TTC39A: variants seen among roughly 807,000 people sequenced by gnomAD.
TTC39A encodes the protein tetratricopeptide repeat domain 39A.
Under a neutral mutation model 82.3 loss-of-function variants are expected in TTC39A, and 46 were observed. That is an observed-to-expected ratio of 0.56 (90% CI 0.44 to 0.71). TTC39A has a LOEUF of 0.71. TTC39A is among the 30% of genes least tolerant of loss of function. The probability of loss-of-function intolerance (pLI) is 0.00; values close to 1 mark genes in which losing one functional copy is unlikely to be tolerated. For missense variants in TTC39A, 543 were observed against 712.9 expected, an observed-to-expected ratio of 0.76 and a Z score of 2.71; for synonymous variants, 254 against 275.2, an observed-to-expected ratio of 0.92 and a Z score of 0.76.
chr1:51,288,082 A>G lies in TTC39A; in HGVS notation c.*75T>C, dbSNP rs1569717591. ...CCCAAAGGCAGGGCAGGGCAGGGGGAGGGGGTATTTTGAAATGTTTTCAGG... is the reference window on the plus strand; with the variant it reads ...CCCAAAGGCAGGGCAGGGCAGGGGGGGGGGGTATTTTGAAATGTTTTCAGG... On this transcript the variant is annotated 3_prime_UTR_variant, in exon 18 of 18. Transcript: ENST00000680483. This position sits in a 1 kb window ranked among gnomAD's most constrained non-coding sequence, Gnocchi z 4.8. The G allele has an allele frequency of 6.4e-7, 1 of 1,570,740 alleles. No homozygotes were observed. Among genetic ancestry groups the G allele is most frequent in the Non-Finnish European group, 8.7e-7 (1 of 1,154,990 alleles).
intron 2 of TTC39A, among the ~76,000 whole-genome samples, chr1:51,313,748 C>T (rs890925706): frequency 1.3e-5 from 2 of 152,226 alleles, no homozygotes; most frequent in Non-Finnish European, 2.9e-5. Flanking sequence ...CCTGTAATCC[C>T]AGCACTCTGG....
upstream of TTC39A, chr1:51,330,960 T>C (rs1263354187): frequency 3.1e-6 from 2 of 642,134 alleles, no homozygotes; most frequent in Non-Finnish European, 2.8e-6. This position sits in a 1 kb window ranked among gnomAD's most constrained non-coding sequence, Gnocchi z 4.5. Flanking sequence ...GCCCCCAGAG[T>C]CAGGCCTGGA....
At chr1:51,335,852 C>A (rs950307995), upstream of TTC39A, among the ~76,000 whole-genome samples, 1 of 152,158 alleles carries the variant, frequency 6.6e-6, no homozygotes, top group African/African-American at 2.4e-5. Context: ...GCTGTGAAGT[C>A]AGTTCTGCCT....
At chr1:51,293,641 C>T (rs1644304883) in intron 14 of TTC39A, among the ~76,000 whole-genome samples, 1 of 152,224 alleles carries the variant, frequency 6.6e-6, no homozygotes, top group African/African-American at 2.4e-5. Context: ...CTTCCTTCTA[C>T]TTTTCTGGCT....
At chr1:51,301,283 T>G in intron 12 of TTC39A, 1 of 298,582 alleles carries the variant, frequency 3.3e-6, no homozygotes, top group Non-Finnish European at 6.3e-6. Flanking sequence ...GTGACTACCA[T>G]ATTTGGGCAG....
chr1:51,318,963 G>A (rs1345920937), intron 2 of TTC39A, among the ~76,000 whole-genome samples: 2 of 152,198 alleles, frequency 1.3e-5, no homozygotes, highest in African/African-American at 4.8e-5. Flanking sequence ...AGCACCCCAT[G>A]AGAAGAGGAT....
chr1:51,322,071 G>A lies in TTC39A; in HGVS notation c.42-246C>T, dbSNP rs773167719. ...CAGAGATCTGTTGGAGGTGGGGGAG[G>A]GGCCAAGGGCAAGGTGCAAAGAGGC... On this transcript the variant is annotated intron_variant, in intron 1 of 17. Transcript: ENST00000680483. 7 of 1,542,310 alleles carry A rather than the reference G, an allele frequency of 4.5e-6. No homozygotes were observed. In the African/African-American group the frequency reaches 6.9e-5, roughly 15 times the overall value.
At chr1:51,306,146 A>AG in intron 6 of TTC39A, 70 bp from the exon 7 acceptor site, 1 of 1,326,830 alleles carries the variant, frequency 7.5e-7, no homozygotes, top group Non-Finnish European at 1.1e-6. Context: ...GACCCCTTCC[A>AG]GCTGGGCCTC....
At position 51,311,286 on chromosome 1, in the gene TTC39A, G is replaced by C; in HGVS notation, c.391C>G (p.Leu131Val). Residue 131 changes from leucine (L) to valine (V), a missense_variant, in exon 5 of 18, where the codon CTG becomes GTG. Physicochemically the swap from Leu to Val is conservative, Grantham distance 32. Transcript: ENST00000680483. ...AAGGTCAGGGCTGCTCGCTGCAGCA[G>C]GCACTCTGCATAGCAGACCTCAGCG... The part of the protein sequence containing the change: ...IHAEVCYAEC[L>V]LQRAALTFLQ... 1 of 1,587,654 alleles carries C rather than the reference G, an allele frequency of 6.3e-7. No individual in the cohort carries two copies. Among genetic ancestry groups the C allele is most frequent in the South Asian group, 1.2e-5 (1 of 86,870 alleles).
intron 14 of TTC39A, among the ~76,000 whole-genome samples, chr1:51,292,088 G>A (rs1644247071): frequency 6.6e-6 from 1 of 152,170 alleles, no homozygotes; most frequent in African/African-American, 2.4e-5. Context: ...GGAGGCTGAA[G>A]TGAGAGGATC....
At chr1:51,310,742 T>G (rs1645051617) in intron 5 of TTC39A, among the ~76,000 whole-genome samples, 1 of 152,240 alleles carries the variant, frequency 6.6e-6, no homozygotes, top group Non-Finnish European at 1.5e-5. Flanking sequence ...TTTCTAATCA[T>G]GTGACCTTGG....
intron 4 of TTC39A, among the ~76,000 whole-genome samples, chr1:51,311,585 TGAG>T (rs1026704948): frequency 6.6e-6 from 1 of 152,088 alleles, no homozygotes; most frequent in African/African-American, 2.4e-5. Flanking sequence ...CCAGGGCTCT[TGAG>T]GAGGGTAAGG....
intron 2 of TTC39A, among the ~76,000 whole-genome samples, chr1:51,316,487 G>A (rs992381181): frequency 2.6e-5 from 4 of 152,176 alleles, no homozygotes; most frequent in African/African-American, 9.6e-5. Flanking sequence ...CCAACCTTCT[G>A]CTGAACCTAG....
At chr1:51,305,270 T>G in intron 7 of TTC39A, 124 bp from the exon 8 acceptor site, 1 of 893,228 alleles carries the variant, frequency 1.1e-6, no homozygotes. Context: ...CCCTCTAACT[T>G]TGAAAGCCTC....
chr1:51,316,091 C>A (rs1260106138), intron 2 of TTC39A, among the ~76,000 whole-genome samples: 1 of 152,148 alleles, frequency 6.6e-6, no homozygotes, highest in Non-Finnish European at 1.5e-5. Context: ...GTTCTCGGCA[C>A]CCCTTATTGC....
rs765083376 is a variant in TTC39A, at chr1:51,312,962, G to A, written c.147-19C>T. 42 of 1,611,372 alleles carry A rather than the reference G, an allele frequency of 2.6e-5. 1 individual carries two copies. Among genetic ancestry groups the A allele is most frequent in the Non-Finnish European group, 3.1e-5 (37 of 1,178,284 alleles). ...CTTGGTTCTGCCAAAGAGAAGAGAC[G>A]TTGAGAGCACCACCTTATAGAGCCC... On this transcript the variant is annotated intron_variant, in intron 2 of 17. Transcript: ENST00000680483.
intron 1 of TTC39A, among the ~76,000 whole-genome samples, chr1:51,338,248 C>G (rs980844467): frequency 1.3e-5 from 2 of 152,162 alleles, no homozygotes; most frequent in Non-Finnish European, 2.9e-5. Context: ...GGATATTTGA[C>G]TCTGAATTTT....
rs186617327 is a variant in TTC39A, at chr1:51,294,317, C to A, written c.1266+74G>T. 3.7e-3 allele frequency: 5,871 copies of A among 1,602,752 alleles called. 28 individuals carry two copies. Among genetic ancestry groups the A allele is most frequent in the East Asian group, 0.018 (814 of 44,590 alleles). ...AGGTCTTTCTCCTCATCCACCTCCC[C>A]CTGGCTGTGGCTCTCAGTGAATCCC... On this transcript the variant is annotated intron_variant, in intron 14 of 17. Transcript: ENST00000680483. This position sits in a 1 kb window ranked among gnomAD's most constrained non-coding sequence, Gnocchi z 4.3.
intron 1 of TTC39A, among the ~76,000 whole-genome samples, chr1:51,337,564 C>T (rs564099767): frequency 6.6e-6 from 1 of 151,610 alleles, no homozygotes; most frequent in East Asian, 1.9e-4. Flanking sequence ...GTAGCTGAGA[C>T]TACAGGTGCC....
Sources: gnomAD v4.1 joint callset for allele counts (sites outside exome capture counted in the v4.1 genomes callset) on GRCh38, gnomAD v4.1.1 for gene constraint, Gnocchi (gnomAD v3.1) non-coding constraint, MANE v1.5 for transcripts, NCBI Gene and HGNC (gene_info 2026-07-23, HGNC 2026-07-21) for gene names.